STPG2: variants seen among roughly 807,000 people sequenced by gnomAD.
STPG2 encodes the protein sperm tail PG-rich repeat containing 2, also known as sperm-tail PG-rich repeat-containing protein 2.
In STPG2, 56 loss-of-function variants were observed where a neutral mutation model predicts 54.2. That is an observed-to-expected ratio of 1.03 (90% CI 0.83 to 1.29). The LOEUF (loss-of-function observed/expected upper bound fraction) is 1.29, where lower values mean the gene tolerates loss of function less well. Among genes scored for constraint, STPG2 ranks in the 50% most tolerant of loss-of-function variants. The pLI is 0.00. For missense variants in STPG2, 596 were observed against 544.9 expected (o/e 1.09, Z -0.93); for synonymous variants, 200 against 181.8 (o/e 1.10, Z -0.81).
At chr4:98,012,389 C>T (rs1249331589) in intron 5 of STPG2, among the ~76,000 whole-genome samples, 1 of 152,170 alleles carries the variant, frequency 6.6e-6, no homozygotes, top group East Asian at 1.9e-4. Context: ...AGCATGATGC[C>T]TCCAGCTTTG....
At chr4:97,634,589 T>C (rs1042919639) in intron 10 of STPG2, among the ~76,000 whole-genome samples, 3 of 149,956 alleles carry the variant, frequency 2.0e-5, no homozygotes, top group African/African-American at 7.3e-5. Flanking sequence ...TTGAAAACTT[T>C]GAAAAAAATT....
chr4:97,476,438 CTTTTT>C (rs1257073324), intron 4 of STPG2, among the ~76,000 whole-genome samples: 1 of 151,954 alleles, frequency 6.6e-6, no homozygotes, highest in Non-Finnish European at 1.5e-5. Flanking sequence ...AATACCATTT[CTTTTT>C]TCTTTTTGCC....
chr4:97,893,896 A>C (rs1053808213), intron 8 of STPG2, among the ~76,000 whole-genome samples: 2 of 152,060 alleles, frequency 1.3e-5, no homozygotes, highest in Non-Finnish European at 2.9e-5. Context: ...ATTATTTATA[A>C]ATTTGGAAAG....
rs142588694 is a variant in STPG2 at position 97,927,573 on chromosome 4, C to T, written c.1044+16324G>A. 2.6e-5 allele frequency among the ~76,000 whole-genome samples: 4 copies of T among 152,162 alleles called. No homozygotes were observed. In the East Asian group the frequency reaches 5.8e-4, roughly 22 times the overall value. The stretch of plus-strand genomic sequence containing the variant: ...AAAAAAGTTATATACCTTATAATAA[C>T]ATCCGAGATCTTTATGCTTATATAG... On this transcript the variant is annotated intron_variant, in intron 8 of 10. Coordinates refer to ENST00000295268, the MANE Select transcript of STPG2 (RefSeq NM_174952.3).
At position 97,738,515 on chromosome 4, in the gene STPG2, A is replaced by G. The variant is rs576188343; in HGVS notation, c.1205-25701T>C. 1.2e-4 allele frequency among the ~76,000 whole-genome samples: 18 copies of G among 152,322 alleles called. No individual in the cohort carries two copies. In the Middle Eastern group the frequency reaches 0.014, roughly 115 times the overall value. On this transcript the variant is annotated intron_variant, in intron 9 of 10. Coordinates refer to ENST00000295268, the MANE Select transcript of STPG2 (RefSeq NM_174952.3). ...AGGCTCAAAATAAAAGGATGGAGAA[A>G]GATCTACCAAGCAAATGGAAAACAA... is the stretch of plus-strand genomic sequence containing the variant.
At chr4:97,939,389 T>C (rs1259288125) in intron 8 of STPG2, among the ~76,000 whole-genome samples, 1 of 152,236 alleles carries the variant, frequency 6.6e-6, no homozygotes, top group Non-Finnish European at 1.5e-5. Flanking sequence ...CAATGATCTG[T>C]CTAATACCGT....
At chr4:98,056,874 T>C (rs1022518554) in intron 5 of STPG2, among the ~76,000 whole-genome samples, 5 of 152,166 alleles carry the variant, frequency 3.3e-5, no homozygotes, top group African/African-American at 1.2e-4. Flanking sequence ...CACTCTACCA[T>C]GTGAAGAAGG....
intron 5 of STPG2, among the ~76,000 whole-genome samples, chr4:98,090,802 A>G (rs1429159319): frequency 6.6e-6 from 1 of 151,950 alleles, no homozygotes; most frequent in Non-Finnish European, 1.5e-5. Flanking sequence ...AATATCCCAG[A>G]TTAAGTCCCT....
chr4:97,956,538 G>C (rs1301548593), intron 7 of STPG2, among the ~76,000 whole-genome samples: 1 of 152,042 alleles, frequency 6.6e-6, no homozygotes, highest in African/African-American at 2.4e-5. Context: ...AGAACACACA[G>C]ACCCACTGAA....
At chr4:97,759,665 A>C (rs1476646483) in intron 9 of STPG2, among the ~76,000 whole-genome samples, 1 of 152,140 alleles carries the variant, frequency 6.6e-6, no homozygotes, top group African/African-American at 2.4e-5. Context: ...AATTCATATA[A>C]AACTGAAAAA....
intron 8 of STPG2, among the ~76,000 whole-genome samples, chr4:97,904,963 A>C (rs1731346260): frequency 6.6e-6 from 1 of 152,070 alleles, no homozygotes; most frequent in Admixed American, 6.6e-5. Flanking sequence ...ATGTGAAAAG[A>C]CAAAATCTAC....
chr4:98,018,573 G>C (rs1736054228), intron 5 of STPG2, among the ~76,000 whole-genome samples: 2 of 152,290 alleles, frequency 1.3e-5, no homozygotes, highest in African/African-American at 4.8e-5. Context: ...TCTAGATCTA[G>C]ATCCCTGAGG....
chr4:97,927,709 T>A (rs949556406), intron 8 of STPG2, among the ~76,000 whole-genome samples: 1 of 152,066 alleles, frequency 6.6e-6, no homozygotes, highest in Non-Finnish European at 1.5e-5. Flanking sequence ...AGAGAGTGAC[T>A]TCTATTGGAT....
At chr4:97,490,668 T>C (rs1187597868) in intron 4 of STPG2, among the ~76,000 whole-genome samples, 1 of 151,672 alleles carries the variant, frequency 6.6e-6, no homozygotes, top group Non-Finnish European at 1.5e-5. Flanking sequence ...TCTGCATGTA[T>C]AGGTTGGTAC....
At chr4:97,954,194 A>C (rs1733581541) in intron 7 of STPG2, among the ~76,000 whole-genome samples, 1 of 152,200 alleles carries the variant, frequency 6.6e-6, no homozygotes, top group South Asian at 2.1e-4. Context: ...ATTAAAAAGA[A>C]ATTCAGGCAA....
intron 8 of STPG2, among the ~76,000 whole-genome samples, chr4:97,905,621 G>A (rs1197524087): frequency 2.0e-5 from 3 of 152,140 alleles, no homozygotes; most frequent in Admixed American, 6.5e-5. Flanking sequence ...AACTTTAAAT[G>A]TAAATGGACT....
At chr4:97,448,737 C>T (rs1729289664) in intron 4 of STPG2, among the ~76,000 whole-genome samples, 1 of 152,100 alleles carries the variant, frequency 6.6e-6, no homozygotes, top group Non-Finnish European at 1.5e-5. Context: ...CTGATACACT[C>T]ACCATTTAGT....
chr4:98,051,938 T>C (rs1357685773), intron 5 of STPG2, among the ~76,000 whole-genome samples: 1 of 151,878 alleles, frequency 6.6e-6, no homozygotes, highest in Non-Finnish European at 1.5e-5. Flanking sequence ...AAATACAAAA[T>C]TAGCCAGGTG....
Position 97,820,229 on chromosome 4 carries a change from A to G in STPG2, c.1204+20544T>C, listed in dbSNP as rs965434375. On this transcript the variant is annotated intron_variant, in intron 9 of 10. Coordinates refer to ENST00000295268, the MANE Select transcript of STPG2 (RefSeq NM_174952.3). ...ACATATAAAATGGCAAACTTAATCT[A>G]TAAATGTGGTGTGTGTTCCTATGGC... 2.0e-5 allele frequency among the ~76,000 whole-genome samples: 3 copies of G among 152,262 alleles called. No individual in the cohort carries two copies. In the South Asian group the frequency reaches 6.2e-4, roughly 32 times the overall value.
Sources: allele counts gnomAD v4.1 joint callset (sites outside exome capture counted in the v4.1 genomes callset), GRCh38; gene constraint gnomAD v4.1.1; transcripts MANE v1.5; gene names NCBI Gene and HGNC (gene_info 2026-07-23, HGNC 2026-07-21).